Variants in ZNF81 observed in about 807,000 individuals in gnomAD.
ZNF81 encodes the protein zinc finger protein 81 (HFZ20).
In ZNF81, 5 loss-of-function variants were observed where a neutral mutation model predicts 32.3. That is an observed-to-expected ratio of 0.15 (90% CI 0.08 to 0.33). The LOEUF (loss-of-function observed/expected upper bound fraction) is 0.33, where lower values mean the gene tolerates loss of function less well. Among genes scored for constraint, ZNF81 ranks in the 10% least tolerant of loss-of-function variants. ZNF81 has a pLI of 1.00. For synonymous variants in ZNF81, 163 were observed against 166.8 expected (o/e 0.98, Z 0.17); for missense variants, 379 against 479.8 (o/e 0.79, Z 1.96).
chrX:47,871,897 C>G, intron 2 of ZNF81, among the ~76,000 whole-genome samples: 1 of 112,091 alleles, frequency 8.9e-6, no homozygotes, highest in East Asian at 2.8e-4. Context: ...TAGCCTAACC[C>G]CGCCTTGTGA....
At chrX:47,857,058 A>G (rs2058520322) in intron 2 of ZNF81, among the ~76,000 whole-genome samples, 1 of 112,335 alleles carries the variant, frequency 8.9e-6, no homozygotes, top group African/African-American at 3.2e-5. Context: ...TTAAAACCTG[A>G]GCAGAGGGAA....
At chrX:47,889,217 G>C (rs1556886205) in intron 3 of ZNF81, among the ~76,000 whole-genome samples, 2 of 112,224 alleles carry the variant, frequency 1.8e-5, no homozygotes. Context: ...GATTAGGTGT[G>C]TGACTTGTGG....
chrX:47,869,477 T>G (rs1311355985), intron 2 of ZNF81, among the ~76,000 whole-genome samples: 1 of 111,723 alleles, frequency 9.0e-6, no homozygotes, highest in African/African-American at 3.3e-5. Context: ...ATGAGATTCC[T>G]AAGTAATCAA....
At position 47,923,538 on chromosome X, in the gene ZNF81, T is replaced by G. The variant is rs1159543362; in HGVS notation, c.*6906T>G. ...AATTAGACATCAATTCATATGAGGATGGAAAATTGGTTCTTGATTTTATGA... is the reference window on the plus strand; with the variant it reads ...AATTAGACATCAATTCATATGAGGAGGGAAAATTGGTTCTTGATTTTATGA... On this transcript the variant is annotated 3_prime_UTR_variant, in exon 5 of 5. Transcript: ENST00000338637. 2.7e-5 allele frequency among the ~76,000 whole-genome samples: 3 copies of G among 112,053 alleles called. No individual in the cohort carries two copies. Among genetic ancestry groups the G allele is most frequent in the African/African-American group, 9.8e-5 (3 of 30,751 alleles).
At chrX:47,871,315 T>G (rs1279124997) in intron 2 of ZNF81, among the ~76,000 whole-genome samples, 1 of 112,018 alleles carries the variant, frequency 8.9e-6, no homozygotes, top group Non-Finnish European at 1.9e-5. Context: ...ATTGTCAGTA[T>G]ATAGATTCAC....
At chrX:47,849,612 C>A (rs782730822) in intron 2 of ZNF81, among the ~76,000 whole-genome samples, 37 of 108,463 alleles carry the variant, frequency 3.4e-4, no homozygotes, top group African/African-American at 1.2e-3. Context: ...GCGGAGGTTG[C>A]AGTGAGCTAA....
At chrX:47,840,579 C>A (rs1451538801) in intron 1 of ZNF81, among the ~76,000 whole-genome samples, 1 of 108,598 alleles carries the variant, frequency 9.2e-6, no homozygotes, top group Non-Finnish European at 1.9e-5. Flanking sequence ...TCTCGGCTCA[C>A]CCCAACCTCC....
intron 2 of ZNF81, among the ~76,000 whole-genome samples, 183 bp from the exon 3 acceptor site, chrX:47,887,816 T>G (rs1191311690): frequency 9.0e-6 from 1 of 111,708 alleles, no homozygotes; most frequent in Non-Finnish European, 1.9e-5. Context: ...ATAGCAGAAA[T>G]TTATGATTAG....
Position 47,846,134 on chromosome X carries a change from G to A in ZNF81, c.-134G>A. The A allele has an allele frequency of 1.3e-6, 1 of 757,571 alleles. No individual in the cohort carries two copies. Among genetic ancestry groups the A allele is most frequent in the East Asian group, 3.5e-5 (1 of 28,596 alleles). 62.4% of individuals were successfully genotyped at this position (757,571 alleles called of 1,213,427 possible). On this transcript the variant is annotated 5_prime_UTR_variant, in exon 2 of 5. Coordinates refer to ENST00000338637, the MANE Select transcript of ZNF81 (RefSeq NM_007137.5). ...CTTGGAGTCTCTGCGGAGTCCCTGG[G>A]CCAGATCTCACAGTGAAAGCTGCAG...
chrX:47,882,461 T>C (rs1556885282), intron 2 of ZNF81, among the ~76,000 whole-genome samples: 1 of 112,040 alleles, frequency 8.9e-6, no homozygotes, highest in Non-Finnish European at 1.9e-5. Context: ...TATCCGTGGA[T>C]TTTTCCTTTT....
intron 2 of ZNF81, among the ~76,000 whole-genome samples, chrX:47,879,018 C>T (rs368501006): frequency 4.0e-4 from 45 of 111,559 alleles, no homozygotes; most frequent in African/African-American, 1.4e-3. Flanking sequence ...CAGTTCTTCT[C>T]ACATTGGGTC....
intron 4 of ZNF81, among the ~76,000 whole-genome samples, chrX:47,908,068 G>T: frequency 9.0e-6 from 1 of 111,113 alleles, no homozygotes; most frequent in Middle Eastern, 4.6e-3. Flanking sequence ...TTAGAATAAA[G>T]AATTACTCTT....
At chrX:47,840,529 G>A (rs1460696648) in intron 1 of ZNF81, among the ~76,000 whole-genome samples, 1 of 102,824 alleles carries the variant, frequency 9.7e-6, no homozygotes, top group Admixed American at 1.1e-4. Context: ...TTGAGACGGA[G>A]TTTTGCTGTT....
In ZNF81 at chrX:47,915,752, A is replaced by G; in HGVS notation, c.1106A>G (p.Gln369Arg). ...KCNECGKSFF[Q>R]VSSLLRHQTT... ...AATGAATGTGGGAAATCATTTTTCC[A>G]GGTGTCATCTCTACTCAGGCATCAG... The change falls in exon 5 of 5, where the codon CAG becomes CGG. Residue 369 changes from glutamine (Q) to arginine (R), a missense_variant. Around this residue, in one of 2 missense-constraint regions of ZNF81, gnomAD observed 277 missense variants for 306.6 expected, o/e 0.90. Transcript: ENST00000338637. 1.1e-5 allele frequency: 13 copies of G among 1,211,505 alleles called. No homozygotes were observed. Among genetic ancestry groups the G allele is most frequent in the Non-Finnish European group, 1.5e-5 (13 of 895,446 alleles).
chrX:47,859,029 T>A (rs1017767380), intron 2 of ZNF81, among the ~76,000 whole-genome samples: 2 of 108,961 alleles, frequency 1.8e-5, no homozygotes, highest in Non-Finnish European at 3.8e-5. Context: ...GAGGCAGAAG[T>A]TGCGGTGAGG....
rs116316712 is a variant in ZNF81 at position 47,846,122 on chromosome X, C to T, written c.-146C>T. ...CTTTCCAGAGTTCTTGGAGTCTCTG[C>T]GGAGTCCCTGGGCCAGATCTCACAG... On this transcript the variant is annotated 5_prime_UTR_variant, in exon 2 of 5. Transcript: ENST00000338637. 3.3e-3 allele frequency: 2,117 copies of T among 643,577 alleles called. 36 individuals carry two copies. In the African/African-American group the frequency reaches 0.039, roughly 12 times the overall value. The allele number at this position is 643,577 out of a possible 1,213,427, so 53.0% of individuals were successfully genotyped here. A position where few individuals can be genotyped will look rare whatever the true frequency, so the allele number is the denominator to read the frequency against.
At position 47,883,122 on chromosome X, in the gene ZNF81, T is replaced by C. The variant is rs73632364; in HGVS notation, c.55-4877T>C. ...TTTTCTAGTGAGTGTCTATGCTTTCTCAATATAGCTTAAATTGCACTTCCC... is the reference window on the plus strand; with the variant it reads ...TTTTCTAGTGAGTGTCTATGCTTTCCCAATATAGCTTAAATTGCACTTCCC... On this transcript the variant is annotated intron_variant, in intron 2 of 4. Transcript: ENST00000338637. Among the ~76,000 whole-genome samples the C allele has an allele frequency of 8.4e-3, 951 of 112,847 alleles. 9 individuals carry two copies. Among genetic ancestry groups the C allele is most frequent in the African/African-American group, 0.03 (921 of 31,098 alleles).
intron 1 of ZNF81, among the ~76,000 whole-genome samples, chrX:47,845,710 T>C (rs782261997): frequency 1.4e-4 from 16 of 112,129 alleles, no homozygotes; most frequent in African/African-American, 4.5e-4. Context: ...TTACCTGCTA[T>C]TACATGCTTC....
intron 1 of ZNF81, chrX:47,841,530 C>T (rs1556879767): frequency 2.1e-6 from 2 of 966,809 alleles, no homozygotes; most frequent in East Asian, 6.1e-5. Context: ...CGCCAGGAAT[C>T]ATGTAGGAAT....
Sources: allele counts gnomAD v4.1 joint callset (sites outside exome capture counted in the v4.1 genomes callset), GRCh38; gene constraint gnomAD v4.1.1; regional missense constraint gnomAD v4.1.1; transcripts MANE v1.5; gene names NCBI Gene and HGNC (gene_info 2026-07-23, HGNC 2026-07-21).